Variants in NOP14 observed in about 807,000 individuals in gnomAD.
NOP14 encodes the protein nucleolar protein 14.
Under a neutral mutation model 101.6 loss-of-function variants are expected in NOP14, and 57 were observed. That is an observed-to-expected ratio of 0.56 (90% CI 0.45 to 0.70). NOP14 has a LOEUF of 0.70. NOP14 is among the 30% of genes least tolerant of loss of function. The probability of loss-of-function intolerance (pLI) is 0.00; values close to 1 mark genes in which losing one functional copy is unlikely to be tolerated. For synonymous variants in NOP14, 428 were observed against 424.0 expected (o/e 1.01, Z -0.12); for missense variants, 1,134 against 1,075.5 (o/e 1.05, Z -0.76).
intron 3 of NOP14, among the ~76,000 whole-genome samples, chr4:2,955,114 T>TCC (rs1715258483): frequency 7.4e-6 from 1 of 135,264 alleles, no homozygotes; most frequent in Non-Finnish European, 1.6e-5. Context: ...TCTAGTCACC[T>TCC]GCGCCACAGC....
rs549489088 is a variant in NOP14 at position 2,960,757 on chromosome 4, A to G, written c.195+2368T>C. 4.4e-4 allele frequency among the ~76,000 whole-genome samples: 60 copies of G among 135,536 alleles called. 3 individuals are homozygous for G. Among genetic ancestry groups the G allele is most frequent in the African/African-American group, 1.6e-3 (57 of 36,018 alleles). 88.9% of individuals were successfully genotyped at this position (135,536 alleles called of 152,430 possible). ...ATATTAATATATTAATATTATAATC[A>G]CATTAATATTAATATATTAATATTA... is the stretch of plus-strand genomic sequence containing the variant. On this transcript the variant is annotated intron_variant, in intron 1 of 17. Coordinates refer to ENST00000416614, the MANE Select transcript of NOP14 (RefSeq NM_001291978.2).
chr4:2,940,976 C>A lies in NOP14; in HGVS notation c.2199+606G>T, dbSNP rs115305854. On this transcript the variant is annotated intron_variant, in intron 15 of 17. Transcript: ENST00000416614. ...CTGATGCCTTCGGCTCCAGCAGCAT[C>A]CTGGGCTGGTGCGGGCCAATAAGGG... The A allele has an allele frequency of 2.7e-3, 405 of 150,960 alleles. 11 individuals carry two copies. The highest frequency in any genetic ancestry group is 1.0e-2 in the African/African-American group (390 of 39,064). The allele number at this position is 150,960 out of a possible 1,614,324, so 9.4% of individuals were successfully genotyped here. A position where few individuals can be genotyped will look rare whatever the true frequency, so the allele number is the denominator to read the frequency against.
intron 9 of NOP14, 99 bp downstream of exon 9, chr4:2,948,179 A>ATCT: frequency 7.1e-7 from 1 of 1,412,956 alleles, no homozygotes; most frequent in East Asian, 2.5e-5. Context: ...ATCTGGCCTG[A>ATCT]GGCACACATG....
Position 2,939,613 on chromosome 4 carries a change from T to C in NOP14, c.2232A>G (p.Glu744=). Residue 744 remains glutamate, a synonymous_variant, in exon 16 of 18, where the codon GAA becomes GAG. Coordinates refer to ENST00000416614, the MANE Select transcript of NOP14 (RefSeq NM_001291978.2). ...GCGGCCGGCAGAGCTGCTTCTGGCT[T>C]TCCATTTCGGTCAGTGTGCTCTGAC... is the stretch of plus-strand genomic sequence containing the variant. ...ELCQSTLTEM[E]SQKQLCRPLT... 1.2e-6 allele frequency: 2 copies of C among 1,613,890 alleles called. No individual in the cohort carries two copies. The highest frequency in any genetic ancestry group is 8.5e-7 in the Non-Finnish European group (1 of 1,180,030).
intron 3 of NOP14, among the ~76,000 whole-genome samples, chr4:2,955,486 G>A (rs572444203): frequency 1.8e-4 from 23 of 131,104 alleles, no homozygotes; most frequent in African/African-American, 3.3e-4. Flanking sequence ...ACGCCACGGC[G>A]CCCCCTCTAG....
At position 2,941,697 on chromosome 4, in the gene NOP14, A is replaced by G; in HGVS notation, c.2084T>C (p.Leu695Pro). The change falls in exon 15 of 18, where the codon CTG becomes CCG. Residue 695 changes from leucine to proline, a missense_variant. Leu to Pro is a moderately conservative substitution (Grantham distance 98). Transcript: ENST00000416614. ...LSCLAVGLAL[L>P]KRCVLMYGSL... ...CCCGTACATGAGCACGCAGCGCTTC[A>G]GCAGGGCCAGGCCCACAGCCAGGCA... 1 of 1,613,098 alleles carries G rather than the reference A, an allele frequency of 6.2e-7. No individual in the cohort carries two copies. The highest frequency in any genetic ancestry group is 8.5e-7 in the Non-Finnish European group (1 of 1,179,842).
chr4:2,954,517 G>T lies in NOP14; in HGVS notation c.519C>A (p.His173Gln). 6.2e-7 allele frequency: 1 copy of T among 1,614,162 alleles called. No homozygotes were observed. Among genetic ancestry groups the T allele is most frequent in the South Asian group, 1.1e-5 (1 of 91,082 alleles). The change falls in exon 4 of 18, where the codon CAC becomes CAA. Residue 173 changes from histidine to glutamine, a missense_variant. Physicochemically the swap from His to Gln is conservative, Grantham distance 24. Transcript: ENST00000416614. ...AHFGGGGGLL[H>Q]KKTQQEGEER... ...CCTCGCCTTCCTGTTGAGTCTTCTTGTGAAGGAGCCCACCGCCTCCTCCAA... is the reference window on the plus strand; with the variant it reads ...CCTCGCCTTCCTGTTGAGTCTTCTTTTGAAGGAGCCCACCGCCTCCTCCAA...
At chr4:2,960,854 CAAT>C (rs898893953) in intron 1 of NOP14, among the ~76,000 whole-genome samples, 4 of 81,234 alleles carry the variant, frequency 4.9e-5, no homozygotes, top group Non-Finnish European at 9.8e-5. Flanking sequence ...ATCACATTAT[CAAT>C]ATATTAATAT....
Position 2,946,344 on chromosome 4 carries a change from G to A in NOP14, c.1635+68C>T, listed in dbSNP as rs114407544. 184 of 1,581,488 alleles carry A rather than the reference G, an allele frequency of 1.2e-4. 1 individual carries two copies. In the African/African-American group the frequency reaches 2.3e-3, roughly 20 times the overall value. On this transcript the variant is annotated intron_variant, in intron 11 of 17. Coordinates refer to ENST00000416614, the MANE Select transcript of NOP14 (RefSeq NM_001291978.2). ...TACAGCCAAGAGCATCGTACCCGTC[G>A]TCCACCTTCTGTGATGCCAAACAGA...
Position 2,946,542 on chromosome 4 carries a change from A to G in NOP14, c.1505T>C (p.Leu502Ser). ...AGGAAACATCTGGCAAAGATGATAT[A>G]AGTGCCTGTTAAGCAGAAATGTAAA... The part of the protein sequence containing the change: ...LTVIDKLVVH[L>S]YHLCQMFPES... The change falls in exon 11 of 18, where the codon TTA becomes TCA. Residue 502 changes from leucine to serine, a missense_variant. Physicochemically the swap from Leu to Ser is moderately radical, Grantham distance 145 (BLOSUM62 -2). Coordinates refer to ENST00000416614, the MANE Select transcript of NOP14 (RefSeq NM_001291978.2). 1 of 1,614,158 alleles carries G rather than the reference A, an allele frequency of 6.2e-7. No individual in the cohort carries two copies. The highest frequency in any genetic ancestry group is 1.1e-5 in the South Asian group (1 of 91,086).
rs377608894 is a variant in NOP14, at chr4:2,938,728, G to A, written c.*103C>T. Reference sequence around the variant, plus strand: ...TTCCTGTGTTGCCCAGGCTGGTCTCGAACTCCTGGGCTGAAGCAATCTTCC... The same window carrying A: ...TTCCTGTGTTGCCCAGGCTGGTCTCAAACTCCTGGGCTGAAGCAATCTTCC... On this transcript the variant is annotated 3_prime_UTR_variant, in exon 18 of 18. Transcript: ENST00000416614. The A allele has an allele frequency of 6.6e-5, 61 of 917,596 alleles. No homozygotes were observed. Among genetic ancestry groups the A allele is most frequent in the South Asian group, 1.2e-4 (8 of 64,510 alleles). 56.8% of individuals were successfully genotyped at this position (917,596 alleles called of 1,614,324 possible). A position where few individuals can be genotyped will look rare whatever the true frequency, so the allele number is the denominator to read the frequency against.
At chr4:2,960,755 T>G (rs1418242830) in intron 1 of NOP14, among the ~76,000 whole-genome samples, 1 of 133,406 alleles carries the variant, frequency 7.5e-6, no homozygotes, top group Non-Finnish European at 1.6e-5. Flanking sequence ...AATATTATAA[T>G]CACATTAATA....
At position 2,948,357 on chromosome 4, in the gene NOP14, T is replaced by C; in HGVS notation, c.1334A>G (p.Glu445Gly). ...LRSLLLGRSM[E>G]EQLLVVERIQ... ...TCTCTCCACCACCAAAAGCTGCTCT[T>C]CCATCGATCTTCCTAACAACAGAGA... Residue 445 changes from glutamate (E) to glycine (G), a missense_variant, in exon 9 of 18, where the codon GAA (glutamate) becomes GGA (glycine). Transcript: ENST00000416614. 5 of 1,612,650 alleles carry C rather than the reference T, an allele frequency of 3.1e-6. No homozygotes were observed. Among genetic ancestry groups the C allele is most frequent in the Non-Finnish European group, 3.4e-6 (4 of 1,179,648 alleles).
In NOP14 at chr4:2,946,490, A is replaced by C. The variant is rs1714655410; in HGVS notation, c.1557T>G (p.Phe519Leu). The C allele has an allele frequency of 1.2e-6, 2 of 1,614,218 alleles. No individual in the cohort carries two copies. Among genetic ancestry groups the C allele is most frequent in the African/African-American group, 2.7e-5 (2 of 75,058 alleles). Reference protein sequence around the residue: ...FPESASDAIKFVLRDAMHEME... With the variant: ...FPESASDAIKLVLRDAMHEME... ...TCTCATGCATCGCATCTCGGAGAAC[A>C]AATTTGATAGCGTCACTTGCAGATT... The change falls in exon 11 of 18, where the codon TTT (phenylalanine) becomes TTG (leucine). Residue 519 changes from phenylalanine to leucine, a missense_variant. Physicochemically the swap from Phe to Leu is conservative, Grantham distance 22. Transcript: ENST00000416614.
Position 2,953,577 on chromosome 4 carries a change from T to G in NOP14, c.681A>C (p.Glu227Asp), listed in dbSNP as rs773139187. ...TTTTGTGGGACAGGAGAGTCTGAAT[T>G]TCTTTCCAGTCTTGGTCTAGCTTCT... Reference protein sequence around the residue: ...LTEKLDQDWKEIQTLLSHKTP... With the variant: ...LTEKLDQDWKDIQTLLSHKTP... Residue 227 changes from glutamate to aspartate, a missense_variant, in exon 5 of 18, where the codon GAA becomes GAC. By Grantham distance (45) the Glu-to-Asp change is conservative. Transcript: ENST00000416614. The G allele has an allele frequency of 2.5e-6, 4 of 1,614,238 alleles. No homozygotes were observed. Among genetic ancestry groups the G allele is most frequent in the Non-Finnish European group, 2.5e-6 (3 of 1,180,048 alleles).
chr4:2,942,359 C>T lies in NOP14; in HGVS notation c.1892-8G>A. The stretch of plus-strand genomic sequence containing the variant: ...GGTGCACCAGAGTGGAACCTGAATT[C>T]CAAGTGCGACAGGACAGAGATGGCC... On this transcript the variant is annotated splice_polypyrimidine_tract_variant and splice_region_variant and intron_variant, in intron 13 of 17. Coordinates refer to ENST00000416614, the MANE Select transcript of NOP14 (RefSeq NM_001291978.2). 1 of 1,612,390 alleles carries T rather than the reference C, an allele frequency of 6.2e-7. No individual in the cohort carries two copies. The highest frequency in any genetic ancestry group is 8.5e-7 in the Non-Finnish European group (1 of 1,178,670).
rs747305822 is a variant in NOP14, at chr4:2,949,951, A to G, written c.1265T>C (p.Leu422Pro). 4.3e-6 allele frequency: 7 copies of G among 1,614,216 alleles called. No individual in the cohort carries two copies. Among genetic ancestry groups the G allele is most frequent in the South Asian group, 1.1e-5 (1 of 91,088 alleles). The change falls in exon 8 of 18, where the codon CTG becomes CCG. Residue 422 changes from leucine (L) to proline (P), a missense_variant. By Grantham distance (98) the Leu-to-Pro change is moderately conservative. Coordinates refer to ENST00000416614, the MANE Select transcript of NOP14 (RefSeq NM_001291978.2). The part of the protein sequence containing the change: ...ERAGKATRDE[L>P]PYTFAAPESY... ...TTGCCCACCTGCGAACGTGTAGGGC[A>G]GCTCGTCTCTGGTAGCTTTTCCAGC...
intron 1 of NOP14, among the ~76,000 whole-genome samples, chr4:2,959,331 G>A (rs566280361): frequency 2.0e-5 from 3 of 152,296 alleles, no homozygotes; most frequent in South Asian, 4.1e-4. Flanking sequence ...GGTGGCTCAC[G>A]CCTGTAATTC....
At chr4:2,941,288 G>A (rs1714160903) in intron 15 of NOP14, 2 of 395,784 alleles carry the variant, frequency 5.1e-6, no homozygotes, top group Non-Finnish European at 9.4e-6. Context: ...TCCAGGCCTG[G>A]CAGGGGCTGA....
Sources: gnomAD v4.1 joint callset for allele counts (sites outside exome capture counted in the v4.1 genomes callset) on GRCh38, gnomAD v4.1.1 for gene constraint, MANE v1.5 for transcripts, NCBI Gene and HGNC (gene_info 2026-07-23, HGNC 2026-07-21) for gene names.